Variants in DHX9 observed in about 807,000 individuals in gnomAD.
DHX9 encodes ATP-dependent RNA helicase A.
A neutral mutation model predicts 148.7 loss-of-function variants in DHX9; 27 were observed. That is an observed-to-expected ratio of 0.18 (90% CI 0.13 to 0.25). The LOEUF is 0.25. DHX9 is among the 10% of genes least tolerant of loss of function. The pLI, the probability that DHX9 is intolerant of heterozygous loss-of-function variation, is 1.00. For missense variants in DHX9, 796 were observed against 1,559.6 expected, an observed-to-expected ratio of 0.51 and a Z score of 8.25; for synonymous variants, 529 against 516.6, an observed-to-expected ratio of 1.02 and a Z score of -0.33.
chr1:182,883,094 C>A, intron 24 of DHX9, 45 bp from the exon 25 acceptor site: 1 of 1,298,094 alleles, frequency 7.7e-7, no homozygotes, highest in Non-Finnish European at 1.1e-6. Flanking sequence ...ATGTGAAGAT[C>A]AGCCAGTTAT....
At chr1:182,869,468 T>C (rs1648454023) in intron 14 of DHX9, among the ~76,000 whole-genome samples, 1 of 152,104 alleles carries the variant, frequency 6.6e-6, no homozygotes, top group South Asian at 2.1e-4. Flanking sequence ...TGACCAGTCT[T>C]ACCCGGTTTG....
chr1:182,883,065 CT>C, intron 24 of DHX9, 73 bp from the exon 25 acceptor site: 1 of 1,007,072 alleles, frequency 9.9e-7, no homozygotes, highest in Non-Finnish European at 1.6e-6. Flanking sequence ...TCTGAATTAT[CT>C]TAAATAGTTT....
Position 182,843,425 on chromosome 1 carries a change from A to G in DHX9, c.243A>G (p.Pro81=). The change falls in exon 3 of 28, where the codon CCA becomes CCG. Residue 81 remains proline (P), a synonymous_variant. Coordinates refer to ENST00000367549, the MANE Select transcript of DHX9 (RefSeq NM_001357.5). ...ATGAAATAAAGAGTGAAGAAGTTCCAGCTTTTGGGGTAAGTACCTATGGCG... is the reference window on the plus strand; with the variant it reads ...ATGAAATAAAGAGTGAAGAAGTTCCGGCTTTTGGGGTAAGTACCTATGGCG... ...RINEIKSEEV[P]AFGVASPPPL... is the part of the protein sequence containing the mutation. 1.3e-6 allele frequency: 2 copies of G among 1,598,846 alleles called. No homozygotes were observed. The highest frequency in any genetic ancestry group is 1.4e-5 in the African/African-American group (1 of 73,974).
intron 3 of DHX9, among the ~76,000 whole-genome samples, chr1:182,851,783 T>C (rs1027194450): frequency 6.6e-6 from 1 of 152,202 alleles, no homozygotes; most frequent in Non-Finnish European, 1.5e-5. Context: ...GAGAAAAATA[T>C]CTATTCCGTG....
At chr1:182,863,066 C>G (rs900313314) in intron 12 of DHX9, among the ~76,000 whole-genome samples, 2 of 152,184 alleles carry the variant, frequency 1.3e-5, no homozygotes, top group Non-Finnish European at 2.9e-5. Context: ...AAGCACATAT[C>G]TGGAGGACAG....
chr1:182,849,194 G>A (rs1191817943), intron 3 of DHX9, among the ~76,000 whole-genome samples: 3 of 151,478 alleles, frequency 2.0e-5, no homozygotes, highest in East Asian at 3.8e-4. Flanking sequence ...AAGTGAGCAT[G>A]TAGAGGATAT....
rs761999492 is a variant in DHX9, at chr1:182,878,102, A to G, written c.2280A>G (p.Gln760=). The change falls in exon 20 of 28, where the codon CAA becomes CAG. Residue 760 remains glutamine (Q), a synonymous_variant. Coordinates refer to ENST00000367549, the MANE Select transcript of DHX9 (RefSeq NM_001357.5). ...GGGCATCAAAAACAAACCTTGAGCA[A>G]CGGAAAGGGCGAGCTGGCCGAGTAC... The part of the protein sequence containing the change: ...TVWASKTNLE[Q]RKGRAGRVRP... 2 of 1,614,268 alleles carry G rather than the reference A, an allele frequency of 1.2e-6. No homozygotes were observed. The highest frequency in any genetic ancestry group is 1.1e-5 in the South Asian group (1 of 91,088).
In DHX9 at chr1:182,885,263, C is replaced by G. The variant is rs115397684; in HGVS notation, c.3461+450C>G. ...TATCTTAAAGAAATGAGAAATTTATCTTAATTCTTAAAATTTTTATTTGCT... is the reference window on the plus strand; with the variant it reads ...TATCTTAAAGAAATGAGAAATTTATGTTAATTCTTAAAATTTTTATTTGCT... On this transcript the variant is annotated intron_variant, in intron 27 of 27. Transcript: ENST00000367549. 2.1e-3 allele frequency among the ~76,000 whole-genome samples: 324 copies of G among 152,196 alleles called. 1 individual carries two copies. The highest frequency in any genetic ancestry group is 3.9e-3 in the Non-Finnish European group (268 of 68,000).
chr1:182,841,285 C>A (rs1338252275), intron 1 of DHX9, among the ~76,000 whole-genome samples: 4 of 148,230 alleles, frequency 2.7e-5, no homozygotes, highest in Non-Finnish European at 5.9e-5. Context: ...AACGAGACTC[C>A]GTCTCAAAAA....
chr1:182,866,594 T>C lies in DHX9; in HGVS notation c.1474+9T>C. 2 of 1,604,954 alleles carry C rather than the reference T, an allele frequency of 1.2e-6. No homozygotes were observed. The highest frequency in any genetic ancestry group is 1.7e-6 in the Non-Finnish European group (2 of 1,173,990). ...AATGTTTTGTACTGTAGGTCAGTAA[T>C]GTATTTTGATTTTTCATTTGGGGTT... On this transcript the variant is annotated intron_variant, in intron 13 of 27. Transcript: ENST00000367549.
chr1:182,872,193 T>G (rs1334102488), intron 14 of DHX9, 144 bp from the exon 15 acceptor site: 1 of 632,048 alleles, frequency 1.6e-6, no homozygotes, highest in South Asian at 2.2e-5. Context: ...AAAAGATCCA[T>G]TGTGGTCCTT....
At position 182,887,645 on chromosome 1, in the gene DHX9, CCA is replaced by C. The variant is rs768059752; in HGVS notation, c.*214_*215del. ...AAAATATAACGATCTCTTAAAAATA[CCA>C]CAGTTTGTATTTTTTCTTTAAGGAG... On this transcript the variant is annotated 3_prime_UTR_variant, in exon 28 of 28. Coordinates refer to ENST00000367549, the MANE Select transcript of DHX9 (RefSeq NM_001357.5). 182 of 495,744 alleles carry C rather than the reference CCA, an allele frequency of 3.7e-4. No homozygotes were observed. Among genetic ancestry groups the C allele is most frequent in the Admixed American group, 1.2e-3 (35 of 28,960 alleles). 30.7% of individuals were successfully genotyped at this position (495,744 alleles called of 1,614,324 possible).
intron 13 of DHX9, 32 bp downstream of exon 13, chr1:182,866,617 G>A (rs1557973244): frequency 6.3e-7 from 1 of 1,595,092 alleles, no homozygotes; most frequent in African/African-American, 1.3e-5. Context: ...TTCATTTGGG[G>A]TTTATATTGT....
At chr1:182,865,032 A>G (rs1000001138) in intron 12 of DHX9, among the ~76,000 whole-genome samples, 1 of 152,186 alleles carries the variant, frequency 6.6e-6, no homozygotes, top group African/African-American at 2.4e-5. Flanking sequence ...ATATCCTAAT[A>G]TTTTAAGTCT....
At chr1:182,855,787 C>G (rs1668240212) in intron 6 of DHX9, 4 of 941,476 alleles carry the variant, frequency 4.2e-6, no homozygotes, top group Non-Finnish European at 3.8e-6. Context: ...CTTTTATTCA[C>G]ACCACCAAGT....
chr1:182,854,297 G>GT (rs1668214324), intron 6 of DHX9, 119 bp downstream of exon 6: 1 of 934,386 alleles, frequency 1.1e-6, no homozygotes, highest in Non-Finnish European at 1.5e-6. Context: ...GAATTGAATT[G>GT]TTAAAAGATA....
chr1:182,854,588 A>C (rs1429022476), intron 6 of DHX9, among the ~76,000 whole-genome samples: 1 of 152,080 alleles, frequency 6.6e-6, no homozygotes, highest in African/African-American at 2.4e-5. Context: ...TTAAGCTTTG[A>C]GTCCCAGAAT....
chr1:182,882,575 T>C lies in DHX9; in HGVS notation c.2915-564T>C, dbSNP rs114998671. ...TGGTTGATTGGGGGACTTTAAAAAG[T>C]AATCACCCCGGCCGGGCGCAGTGGC... On this transcript the variant is annotated intron_variant, in intron 24 of 27. Transcript: ENST00000367549. Among the ~76,000 whole-genome samples, 930 of 152,204 alleles carry C rather than the reference T, an allele frequency of 6.1e-3. 13 individuals carry two copies. Among genetic ancestry groups the C allele is most frequent in the East Asian group, 0.041 (210 of 5,180 alleles).
intron 3 of DHX9, among the ~76,000 whole-genome samples, chr1:182,849,780 A>G (rs1156748071): frequency 6.6e-6 from 1 of 151,790 alleles, no homozygotes; most frequent in African/African-American, 2.4e-5. Context: ...ATTTCTCTGT[A>G]CTGCCTCTAC....
Sources: allele counts gnomAD v4.1 joint callset (sites outside exome capture counted in the v4.1 genomes callset), GRCh38; gene constraint gnomAD v4.1.1; transcripts MANE v1.5; gene names NCBI Gene and HGNC (gene_info 2026-07-23, HGNC 2026-07-21).